CNBD1: variants seen among roughly 807,000 people sequenced by gnomAD.
CNBD1 encodes cyclic nucleotide-binding domain-containing protein 1.
Under a neutral mutation model 54.4 loss-of-function variants are expected in CNBD1, and 71 were observed. That is an observed-to-expected ratio of 1.30 (90% CI 1.08 to 1.59). CNBD1 has a LOEUF of 1.59. CNBD1 is among the 40% of genes most tolerant of loss of function. The probability of loss-of-function intolerance (pLI) is 0.00; values close to 1 mark genes in which losing one functional copy is unlikely to be tolerated. For missense variants in CNBD1, 659 were observed against 518.0 expected, an observed-to-expected ratio of 1.27 and a Z score of -2.64; for synonymous variants, 182 against 170.7, an observed-to-expected ratio of 1.07 and a Z score of -0.51.
Position 86,871,501 on chromosome 8 carries a change from A to G in CNBD1, c.88+4918A>G, listed in dbSNP as rs556366005. ...AGGGTCCTACTCTCCTTTAAAACTT[A>G]CATTACAATCTATTTTCCACAATCT... On this transcript the variant is annotated intron_variant, in intron 1 of 10. Transcript: ENST00000518476. 2.0e-5 allele frequency among the ~76,000 whole-genome samples: 3 copies of G among 152,356 alleles called. No homozygotes were observed. In the South Asian group the frequency reaches 6.2e-4, roughly 32 times the overall value.
At chr8:87,221,393 T>C (rs903838691) in intron 5 of CNBD1, among the ~76,000 whole-genome samples, 2 of 152,150 alleles carry the variant, frequency 1.3e-5, no homozygotes, top group African/African-American at 4.8e-5. Context: ...CACTGTTCTT[T>C]ATCAACCTTC....
intron 4 of CNBD1, among the ~76,000 whole-genome samples, chr8:87,022,071 T>C (rs897459074): frequency 6.6e-6 from 1 of 152,174 alleles, no homozygotes; most frequent in African/African-American, 2.4e-5. Flanking sequence ...ATGCATCTCA[T>C]GGAATGTCTT....
At chr8:86,967,084 G>C (rs984711954) in intron 4 of CNBD1, among the ~76,000 whole-genome samples, 1 of 152,142 alleles carries the variant, frequency 6.6e-6, no homozygotes, top group African/African-American at 2.4e-5. Context: ...GTCCCCACCT[G>C]ACCCAGAAGC....
At chr8:87,228,203 A>G (rs981420965) in intron 5 of CNBD1, among the ~76,000 whole-genome samples, 1 of 150,058 alleles carries the variant, frequency 6.7e-6, no homozygotes, top group African/African-American at 2.5e-5. Context: ...CCCATAGCTC[A>G]GAGTAATTTG....
chr8:86,980,579 C>T (rs1808465118), intron 4 of CNBD1, among the ~76,000 whole-genome samples: 1 of 152,150 alleles, frequency 6.6e-6, no homozygotes, highest in Non-Finnish European at 1.5e-5. Context: ...AATGACTTCA[C>T]TCATGTATTG....
In CNBD1 at chr8:87,242,149, A is replaced by G. The variant is rs189534231; in HGVS notation, c.771+5037A>G. On this transcript the variant is annotated intron_variant, in intron 6 of 10. Coordinates refer to ENST00000518476, the MANE Select transcript of CNBD1 (RefSeq NM_173538.3). ...CACTCTTTGTAGCCATAAAATGCCA[A>G]CATGACAGATGGCAGGCCCTGGAAG... Among the ~76,000 whole-genome samples, 434 of 152,316 alleles carry G rather than the reference A, an allele frequency of 2.8e-3. 3 individuals are homozygous for G. The highest frequency in any genetic ancestry group is 9.8e-3 in the African/African-American group (406 of 41,564).
At chr8:86,953,801 A>G (rs1807688741) in intron 4 of CNBD1, among the ~76,000 whole-genome samples, 1 of 151,962 alleles carries the variant, frequency 6.6e-6, no homozygotes, top group Non-Finnish European at 1.5e-5. Context: ...CAGGAGGTGG[A>G]GGTTGCAGTG....
At chr8:87,276,057 A>T (rs188595356) in intron 6 of CNBD1, among the ~76,000 whole-genome samples, 3 of 152,018 alleles carry the variant, frequency 2.0e-5, no homozygotes, top group East Asian at 1.9e-4. Flanking sequence ...CACACATATG[A>T]CAAATATAAC....
At chr8:86,902,101 T>G (rs1808947754) in intron 2 of CNBD1, among the ~76,000 whole-genome samples, 1 of 152,150 alleles carries the variant, frequency 6.6e-6, no homozygotes, top group Admixed American at 6.6e-5. Context: ...TAAATAATAA[T>G]ACATCCAAAT....
intron 8 of CNBD1, among the ~76,000 whole-genome samples, chr8:87,318,556 T>C (rs947760584): frequency 2.6e-5 from 4 of 152,088 alleles, no homozygotes; most frequent in Non-Finnish European, 5.9e-5. Context: ...ATGATTATTC[T>C]CAGTTTTGGG....
chr8:87,317,539 A>G (rs969541750), intron 8 of CNBD1, among the ~76,000 whole-genome samples: 3 of 151,434 alleles, frequency 2.0e-5, no homozygotes, highest in Non-Finnish European at 3.0e-5. Flanking sequence ...TAATTGTGTA[A>G]TTATTTTGTA....
chr8:86,994,213 G>A (rs11777713), intron 4 of CNBD1, among the ~76,000 whole-genome samples: 3 of 152,208 alleles, frequency 2.0e-5, no homozygotes, highest in Admixed American at 6.5e-5. Flanking sequence ...CCATCCTTCA[G>A]ACCCTTGGAG....
rs1311598000 is a variant in CNBD1, at chr8:87,135,900, G to C, written c.432-70093G>C. Among the ~76,000 whole-genome samples the C allele has an allele frequency of 2.6e-5, 4 of 152,050 alleles. No individual in the cohort carries two copies. The East Asian group carries it at 5.8e-4, about 22-fold the overall frequency. On this transcript the variant is annotated intron_variant, in intron 4 of 10. Transcript: ENST00000518476. ...GTGTAGCTCCATGTTAGTGGGTTAA[G>C]ACAAGGAATACATAGCAAAGCAATT...
chr8:87,044,222 T>G (rs560072443), intron 4 of CNBD1, among the ~76,000 whole-genome samples: 1 of 152,206 alleles, frequency 6.6e-6, no homozygotes, highest in African/African-American at 2.4e-5. Context: ...GTTTTTTTTT[T>G]GTTTTTTTGC....
intron 4 of CNBD1, among the ~76,000 whole-genome samples, chr8:87,191,054 AC>A (rs1273768109): frequency 5.3e-5 from 8 of 151,810 alleles, no homozygotes; most frequent in African/African-American, 1.7e-4. Flanking sequence ...TCACTATTAT[AC>A]AGCAAAGCCC....
chr8:87,321,313 A>C (rs184482872), intron 8 of CNBD1, among the ~76,000 whole-genome samples: 6 of 152,298 alleles, frequency 3.9e-5, no homozygotes, highest in Admixed American at 2.6e-4. Context: ...CACGAGTTTC[A>C]ATTTCAACAT....
intron 4 of CNBD1, among the ~76,000 whole-genome samples, chr8:87,067,836 C>T (rs1338966559): frequency 6.6e-6 from 1 of 151,858 alleles, no homozygotes; most frequent in Non-Finnish European, 1.5e-5. Context: ...TCACAATATA[C>T]TTAGTGTTTC....
intron 4 of CNBD1, among the ~76,000 whole-genome samples, chr8:87,078,638 A>C (rs1258792323): frequency 6.6e-6 from 1 of 152,162 alleles, no homozygotes; most frequent in Admixed American, 6.5e-5. Flanking sequence ...GAAACAGAGG[A>C]CTGAAAGGGA....
intron 4 of CNBD1, among the ~76,000 whole-genome samples, chr8:86,989,112 C>T (rs1188002352): frequency 2.0e-5 from 3 of 151,996 alleles, no homozygotes; most frequent in South Asian, 2.1e-4. Context: ...CTCTACTAAA[C>T]ATTAAAAAAA....
Sources: gnomAD v4.1 joint callset for allele counts (sites outside exome capture counted in the v4.1 genomes callset) on GRCh38, gnomAD v4.1.1 for gene constraint, MANE v1.5 for transcripts, NCBI Gene and HGNC (gene_info 2026-07-23, HGNC 2026-07-21) for gene names.